Variants in ASTN1 observed in about 807,000 individuals in gnomAD.
The protein encoded by ASTN1 is astrotactin-1.
A neutral mutation model predicts 140.7 loss-of-function variants in ASTN1; 41 were observed. The observed-to-expected ratio is 0.29, with a 90% confidence interval of 0.23 to 0.38. ASTN1 has a LOEUF of 0.38. ASTN1 is among the 10% of genes least tolerant of loss of function. The pLI is 1.00. For missense variants in ASTN1, 1,479 were observed against 1,678.8 expected, an observed-to-expected ratio of 0.88 and a Z score of 2.08; for synonymous variants, 640 against 652.2, an observed-to-expected ratio of 0.98 and a Z score of 0.29.
At chr1:177,062,228 C>A (rs1678132744) in intron 1 of ASTN1, among the ~76,000 whole-genome samples, 1 of 151,698 alleles carries the variant, frequency 6.6e-6, no homozygotes, top group African/African-American at 2.4e-5. Context: ...CATTGCTTTA[C>A]AAAATTTTTC....
At chr1:176,938,752 A>G (rs1477273444) in intron 14 of ASTN1, among the ~76,000 whole-genome samples, 2 of 152,238 alleles carry the variant, frequency 1.3e-5, no homozygotes, top group African/African-American at 4.8e-5. Context: ...AAAAGTGTAA[A>G]TAATAGTATT....
intron 1 of ASTN1, among the ~76,000 whole-genome samples, chr1:177,159,134 G>A (rs1210657713): frequency 2.7e-5 from 4 of 149,852 alleles, no homozygotes; most frequent in Non-Finnish European, 5.9e-5. Context: ...TTGAATTCAA[G>A]TCATATCAAC....
chr1:176,997,242 A>G (rs1198721672), intron 8 of ASTN1, among the ~76,000 whole-genome samples: 1 of 152,164 alleles, frequency 6.6e-6, no homozygotes, highest in African/African-American at 2.4e-5. Flanking sequence ...AGCAGGTACT[A>G]TTGTGATCCC....
At chr1:176,915,137 A>G (rs1167022883) in intron 16 of ASTN1, among the ~76,000 whole-genome samples, 1 of 152,218 alleles carries the variant, frequency 6.6e-6, no homozygotes, top group Admixed American at 6.5e-5. Flanking sequence ...GTGTTGGTCA[A>G]AAATAATTTG....
At chr1:176,929,820 AACACGG>A (rs1161609780) in intron 16 of ASTN1, among the ~76,000 whole-genome samples, 15 of 152,216 alleles carry the variant, frequency 9.9e-5, no homozygotes, top group Non-Finnish European at 2.2e-4. Flanking sequence ...CATCCTGGCT[AACACGG>A]TGAAACCCCA....
intron 1 of ASTN1, among the ~76,000 whole-genome samples, chr1:177,152,240 T>G (rs879708342): frequency 1.3e-5 from 2 of 152,144 alleles, no homozygotes; most frequent in African/African-American, 2.4e-5. Context: ...GGTTCCATAG[T>G]GTGGCAGATT....
At chr1:176,900,627 C>T (rs1300597717) in intron 16 of ASTN1, among the ~76,000 whole-genome samples, 4 of 152,176 alleles carry the variant, frequency 2.6e-5, no homozygotes, top group African/African-American at 7.2e-5. Context: ...TTACCAGTTG[C>T]TAACTGTGTA....
In ASTN1 at chr1:176,972,422, T is replaced by G. The variant is rs926457611; in HGVS notation, c.1524-7185A>C. On this transcript the variant is annotated intron_variant, in intron 8 of 22. Coordinates refer to ENST00000361833, the MANE Select transcript of ASTN1 (RefSeq NM_004319.3). Reference sequence around the variant, plus strand: ...ACAGGGTTGTTGAGTTTAACCAGTGTGGAAGTGTTTCAATGAATAAAATAA... The same window carrying G: ...ACAGGGTTGTTGAGTTTAACCAGTGGGGAAGTGTTTCAATGAATAAAATAA... Among the ~76,000 whole-genome samples, 17 of 152,194 alleles carry G rather than the reference T, an allele frequency of 1.1e-4. 1 individual carries two copies. Among genetic ancestry groups the G allele is most frequent in the Admixed American group, 6.5e-4 (10 of 15,276 alleles).
intron 1 of ASTN1, among the ~76,000 whole-genome samples, chr1:177,149,654 T>C (rs1382849778): frequency 2.5e-5 from 2 of 80,770 alleles, no homozygotes; most frequent in South Asian, 7.6e-4. Context: ...ATATATACAC[T>C]GTATATATAT....
At chr1:176,969,856 C>A (rs1557999637) in intron 8 of ASTN1, among the ~76,000 whole-genome samples, 1 of 152,108 alleles carries the variant, frequency 6.6e-6, no homozygotes, top group Admixed American at 6.5e-5. Context: ...CAAATAAAGA[C>A]CCTGAAGATT....
At chr1:177,001,437 A>G (rs1223990084) in intron 8 of ASTN1, among the ~76,000 whole-genome samples, 1 of 152,238 alleles carries the variant, frequency 6.6e-6, no homozygotes. Flanking sequence ...AATATTATTG[A>G]GCACAACTCA....
At chr1:176,866,661 ATAAT>A (rs1362560103) in intron 22 of ASTN1, among the ~76,000 whole-genome samples, 1 of 152,144 alleles carries the variant, frequency 6.6e-6, no homozygotes, top group East Asian at 1.9e-4. Context: ...TTAAATAATA[ATAAT>A]TAATTTGGGA....
intron 1 of ASTN1, 93 bp from the exon 2 acceptor site, chr1:177,061,358 C>T (rs897668394): frequency 2.4e-5 from 30 of 1,258,326 alleles, no homozygotes; most frequent in Admixed American, 1.7e-4. Flanking sequence ...TAGCCAGTTT[C>T]GTCTGAAGCC....
Position 176,864,471 on chromosome 1 carries a change from T to C in ASTN1, c.3698A>G (p.Asn1233Ser). Reference protein sequence around the residue: ...SQLGDLSSWCNGLLQEPKISL... With the variant: ...SQLGDLSSWCSGLLQEPKISL... ...TATCTTGGGTTCCTGAAGGAGTCCA[T>C]TGCACCAACTGCTGAGGTCCCCAAG... The change falls in exon 23 of 23, where the codon AAT becomes AGT. Residue 1233 changes from asparagine to serine, a missense_variant. Transcript: ENST00000361833. 2 of 1,614,104 alleles carry C rather than the reference T, an allele frequency of 1.2e-6. No homozygotes were observed. Among genetic ancestry groups the C allele is most frequent in the Non-Finnish European group, 1.7e-6 (2 of 1,179,998 alleles).
intron 1 of ASTN1, among the ~76,000 whole-genome samples, chr1:177,152,080 T>C (rs1383709870): frequency 6.6e-6 from 1 of 151,934 alleles, no homozygotes; most frequent in African/African-American, 2.4e-5. Flanking sequence ...TTGGGAGACA[T>C]GAGTAAGAAA....
In ASTN1 at chr1:176,862,756, A is replaced by G. The variant is rs1668009154; in HGVS notation, c.*1528T>C. Reference sequence around the variant, plus strand: ...CCTCAGGAGTTGCTGTGAGAATTCAATGATACCTAAAGTGCTTACATCAGC... The same window carrying G: ...CCTCAGGAGTTGCTGTGAGAATTCAGTGATACCTAAAGTGCTTACATCAGC... On this transcript the variant is annotated 3_prime_UTR_variant, in exon 23 of 23. Transcript: ENST00000361833. 3 of 954,334 alleles carry G rather than the reference A, an allele frequency of 3.1e-6. No individual in the cohort carries two copies. The highest frequency in any genetic ancestry group is 6.2e-5 in the Admixed American group (1 of 16,220). The allele number at this position is 954,334 out of a possible 1,614,324, so 59.1% of individuals were successfully genotyped here.
intron 21 of ASTN1, among the ~76,000 whole-genome samples, chr1:176,870,766 T>C (rs1293080617): frequency 6.6e-6 from 1 of 152,250 alleles, no homozygotes; most frequent in African/African-American, 2.4e-5. Flanking sequence ...AATTCTCATA[T>C]TGTTAAAAAT....
In ASTN1 at chr1:177,003,194, A is replaced by C. The variant is rs74490724; in HGVS notation, c.1523+11597T>G. On this transcript the variant is annotated intron_variant, in intron 8 of 22. Coordinates refer to ENST00000361833, the MANE Select transcript of ASTN1 (RefSeq NM_004319.3). ...GGAAGGGACATAACACACACACACA[A>C]AAACTGCAGACCGATATCCTTACTG... Among the ~76,000 whole-genome samples the C allele has an allele frequency of 3.1e-3, 474 of 152,164 alleles. 10 individuals carry two copies. Among genetic ancestry groups the C allele is most frequent in the Admixed American group, 0.024 (361 of 15,260 alleles).
At chr1:177,044,453 C>T (rs926885584) in intron 2 of ASTN1, among the ~76,000 whole-genome samples, 19 of 152,162 alleles carry the variant, frequency 1.2e-4, no homozygotes, top group African/African-American at 4.3e-4. Context: ...CCCCTCTGTT[C>T]CCAGCAGAAC....
Sources: gnomAD v4.1 joint callset for allele counts (sites outside exome capture counted in the v4.1 genomes callset) on GRCh38, gnomAD v4.1.1 for gene constraint, MANE v1.5 for transcripts, NCBI Gene and HGNC (gene_info 2026-07-23, HGNC 2026-07-21) for gene names.